The following CD96 variants were observed in gnomAD, a reference collection of about 807,000 sequenced individuals.
CD96 encodes the protein CD96 molecule.
CD96 carries 70 observed loss-of-function variants against 71.3 expected under a neutral mutation model. The ratio of observed to expected loss-of-function variants is 0.98; its 90% CI spans 0.81 to 1.20. The LOEUF (loss-of-function observed/expected upper bound fraction) is 1.20. Ranked by LOEUF, CD96 falls within the 50% of genes most tolerant of loss-of-function variation. The probability of loss-of-function intolerance (pLI) is 0.00; values close to 1 mark genes in which losing one functional copy is unlikely to be tolerated. For missense variants in CD96, 742 were observed against 677.5 expected, an observed-to-expected ratio of 1.10 and a Z score of -1.06; for synonymous variants, 248 against 233.0, an observed-to-expected ratio of 1.06 and a Z score of -0.59.
At chr3:111,593,506 T>C (rs1021351057) in intron 5 of CD96, 7 of 1,507,574 alleles carry the variant, frequency 4.6e-6, no homozygotes, top group Non-Finnish European at 5.3e-6. Flanking sequence ...TCTACAAGTC[T>C]AGAGTCAATG....
chr3:111,587,000 C>T (rs1048297126), intron 5 of CD96, among the ~76,000 whole-genome samples: 2 of 152,060 alleles, frequency 1.3e-5, no homozygotes, highest in African/African-American at 4.8e-5. Flanking sequence ...GTCCCTTCTG[C>T]CTATGAACCT....
At chr3:111,566,927 A>T (rs1365825709) in intron 2 of CD96, among the ~76,000 whole-genome samples, 1 of 152,168 alleles carries the variant, frequency 6.6e-6, no homozygotes, top group Non-Finnish European at 1.5e-5. Context: ...ATTTGTCCAA[A>T]CCCATAGAAT....
At chr3:111,579,342 A>G (rs778157246) in intron 4 of CD96, 108 bp downstream of exon 4, 1 of 771,418 alleles carries the variant, frequency 1.3e-6, no homozygotes, top group Admixed American at 1.8e-5. Flanking sequence ...CATGTGGGTA[A>G]CAGTGCTGGA....
At chr3:111,624,211 A>G in intron 9 of CD96, 122 bp from the exon 10 acceptor site, 2 of 748,940 alleles carry the variant, frequency 2.7e-6, no homozygotes, top group Non-Finnish European at 4.8e-6. Flanking sequence ...CTGCATAGGG[A>G]AGCACATTTT....
At chr3:111,657,750 A>G (rs1319002414) in intron 14 of CD96, among the ~76,000 whole-genome samples, 2 of 152,098 alleles carry the variant, frequency 1.3e-5, no homozygotes, top group African/African-American at 4.8e-5. Context: ...GGCAGTATCA[A>G]TGCAAACTCA....
rs1213522061 is a variant in CD96 at position 111,637,267 on chromosome 3, T to C, written c.1387+6T>C. On this transcript the variant is annotated splice_donor_region_variant and intron_variant, in intron 11 of 13. Transcript: ENST00000352690. ...TGCAGGCTCAACACTTCATGGTGAG[T>C]ACTTGGGGAAGATTTAGGGACACTG... 3 of 1,503,806 alleles carry C rather than the reference T, an allele frequency of 2.0e-6. No individual in the cohort carries two copies. The highest frequency in any genetic ancestry group is 2.8e-6 in the Non-Finnish European group (3 of 1,079,362). The allele number at this position is 1,503,806 out of a possible 1,614,324, so 93.2% of individuals were successfully genotyped here.
At chr3:111,587,685 C>G (rs1936780280) in intron 5 of CD96, among the ~76,000 whole-genome samples, 2 of 152,188 alleles carry the variant, frequency 1.3e-5, no homozygotes, top group South Asian at 4.1e-4. Context: ...GCCTGGGCAT[C>G]CAGGCATTCC....
intron 5 of CD96, among the ~76,000 whole-genome samples, chr3:111,591,279 A>G (rs1471870450): frequency 6.6e-6 from 1 of 151,372 alleles, no homozygotes; most frequent in Non-Finnish European, 1.5e-5. Flanking sequence ...AGGCTTAGGC[A>G]GAAGAATTGC....
intron 12 of CD96, among the ~76,000 whole-genome samples, chr3:111,645,447 A>G (rs879869612): frequency 3.9e-5 from 6 of 152,136 alleles, no homozygotes; most frequent in Non-Finnish European, 8.8e-5. Flanking sequence ...TGGCTGCACC[A>G]TAATCTCACA....
intron 1 of CD96, among the ~76,000 whole-genome samples, chr3:111,544,794 G>T (rs1207173120): frequency 6.6e-6 from 1 of 152,046 alleles, no homozygotes; most frequent in Non-Finnish European, 1.5e-5. Flanking sequence ...TTATATTTTG[G>T]TCAGACCAAC....
Position 111,579,052 on chromosome 3 carries a change from T to A in CD96, c.569T>A (p.Leu190His). ...GAGGATAATGGAACTCAGGAAACAC[T>A]TATCTCCCAAAATCACCTCATCAGC... ...SVEDNGTQET[L>H]ISQNHLISNS... The change falls in exon 4 of 14, where the codon CTT becomes CAT. Residue 190 changes from leucine (L) to histidine (H), a missense_variant. By Grantham distance (99) the Leu-to-His change is moderately conservative. Transcript: ENST00000352690. 1 of 1,607,932 alleles carries A rather than the reference T, an allele frequency of 6.2e-7. No individual in the cohort carries two copies. Among genetic ancestry groups the A allele is most frequent in the Non-Finnish European group, 8.5e-7 (1 of 1,174,364 alleles).
chr3:111,665,488 G>A (rs969377023), intron 14 of CD96: 3 of 152,026 alleles, frequency 2.0e-5, no homozygotes, highest in African/African-American at 2.4e-5. Flanking sequence ...CCATAAGTTC[G>A]CTGTTTTTAT....
intron 8 of CD96, among the ~76,000 whole-genome samples, chr3:111,618,366 G>A (rs905364513): frequency 6.6e-6 from 1 of 152,172 alleles, no homozygotes; most frequent in Non-Finnish European, 1.5e-5. Flanking sequence ...TTAAAAAAAT[G>A]AGAGTAACAT....
intron 3 of CD96, among the ~76,000 whole-genome samples, chr3:111,574,489 C>T (rs1167972469): frequency 1.3e-5 from 2 of 152,094 alleles, no homozygotes; most frequent in Non-Finnish European, 2.9e-5. Context: ...GATTCCTGTT[C>T]TAAATTGAAA....
intron 2 of CD96, among the ~76,000 whole-genome samples, chr3:111,551,475 A>G (rs1419245978): frequency 6.6e-6 from 1 of 152,186 alleles, no homozygotes; most frequent in African/African-American, 2.4e-5. Flanking sequence ...CTGAAGGGTC[A>G]TGCTAAGCTT....
intron 2 of CD96, among the ~76,000 whole-genome samples, chr3:111,546,516 C>G (rs1934403488): frequency 6.6e-6 from 1 of 151,920 alleles, no homozygotes; most frequent in South Asian, 2.1e-4. Context: ...TTCTCTGAGC[C>G]CATTTGGAAA....
chr3:111,571,327 T>G (rs1310234435), intron 3 of CD96, among the ~76,000 whole-genome samples: 2 of 151,262 alleles, frequency 1.3e-5, no homozygotes, highest in African/African-American at 4.9e-5. Context: ...TTTATTTCTA[T>G]TTGTCCCCTT....
intron 12 of CD96, among the ~76,000 whole-genome samples, chr3:111,642,548 C>T (rs1939641117): frequency 6.6e-6 from 1 of 152,112 alleles, no homozygotes; most frequent in African/African-American, 2.4e-5. Flanking sequence ...GTGGCTCATG[C>T]CTGTAATCCC....
intron 12 of CD96, among the ~76,000 whole-genome samples, chr3:111,640,241 C>G (rs989713819): frequency 1.1e-4 from 16 of 151,754 alleles, no homozygotes; most frequent in Non-Finnish European, 1.6e-4. Flanking sequence ...AAAAATGACA[C>G]AAGAAGTGAA....
Sources: allele counts gnomAD v4.1 joint callset (sites outside exome capture counted in the v4.1 genomes callset), GRCh38; gene constraint gnomAD v4.1.1; transcripts MANE v1.5; gene names NCBI Gene and HGNC (gene_info 2026-07-23, HGNC 2026-07-21).